Variants in VAV2 observed in about 807,000 individuals in gnomAD.
VAV2 encodes vav guanine nucleotide exchange factor 2.
A neutral mutation model predicts 132.5 loss-of-function variants in VAV2; 67 were observed. The observed-to-expected ratio is 0.51, with a 90% CI of 0.42 to 0.62. The LOEUF is 0.62. Ranked by LOEUF, VAV2 falls within the 20% of genes least tolerant of loss-of-function variation. VAV2 has a pLI of 0.00. For missense variants in VAV2, 938 were observed against 1,153.6 expected (o/e 0.81, Z 2.71); for synonymous variants, 492 against 443.5 (o/e 1.11, Z -1.37).
intron 1 of VAV2, among the ~76,000 whole-genome samples, chr9:133,942,165 G>A (rs1277960466): frequency 1.3e-5 from 2 of 152,216 alleles, no homozygotes; most frequent in Non-Finnish European, 2.9e-5. Context: ...ACAATACAAA[G>A]ATTAATTAGA....
rs144016503 is a variant in VAV2, at chr9:133,850,136, A to T, written c.380+11238T>A. ...ACCACCAGCTCTGCCCATCAGGCCC[A>T]CATGGGCCTCCATTTGTAGATGAGG... On this transcript the variant is annotated intron_variant, in intron 3 of 29. Transcript: ENST00000371850. Among the ~76,000 whole-genome samples, 1,260 of 152,322 alleles carry T rather than the reference A, an allele frequency of 8.3e-3. 34 individuals are homozygous for T. The highest frequency in any genetic ancestry group is 0.052 in the Admixed American group (799 of 15,300).
At chr9:133,910,020 AGG>A (rs1839821837) in intron 2 of VAV2, among the ~76,000 whole-genome samples, 1 of 152,110 alleles carries the variant, frequency 6.6e-6, no homozygotes, top group Non-Finnish European at 1.5e-5. Context: ...GAGCTATGCC[AGG>A]CCATGTGACT....
rs2131742089 is a variant in VAV2, at chr9:133,824,622, T to C, written c.449+9650A>G. Among the ~76,000 whole-genome samples the C allele has an allele frequency of 6.6e-6, 1 of 152,206 alleles. No homozygotes were observed. The highest frequency in any genetic ancestry group is 6.5e-5 in the Admixed American group (1 of 15,304). On this transcript the variant is annotated intron_variant, in intron 4 of 29. Coordinates refer to ENST00000371850, the MANE Select transcript of VAV2 (RefSeq NM_001134398.2). This position sits in a 1 kb window ranked among gnomAD's most constrained non-coding sequence, Gnocchi z 5.2. ...GGGTCTGCCCCCAGAGGCTGCTGCC[T>C]GGACAGCACATGTGGGAGGTAGAGG...
chr9:133,883,611 G>GAGACTCCCAAGTCATCCC lies in VAV2; in HGVS notation c.322-22180_322-22179insGGGATGACTTGGGAGTCT, dbSNP rs1838587361. Among the ~76,000 whole-genome samples the GAGACTCCCAAGTCATCCC allele has an allele frequency of 6.6e-6, 1 of 152,234 alleles. No individual in the cohort carries two copies. On this transcript the variant is annotated intron_variant, in intron 2 of 29. Transcript: ENST00000371850. This position sits in a 1 kb window ranked among gnomAD's most constrained non-coding sequence, Gnocchi z 4.2. ...GCCACGGCAGGCAGGCGGCCCAGCA[G>GAGACTCCCAAGTCATCCC]CAGGCAGGTTTCAGCTCGGCCGGAG...
intron 2 of VAV2, among the ~76,000 whole-genome samples, chr9:133,876,798 T>C (rs1404002774): frequency 6.6e-6 from 1 of 152,172 alleles, no homozygotes; most frequent in Non-Finnish European, 1.5e-5. Context: ...TTTAAAAGGC[T>C]GATCAAGGCT....
Position 133,876,734 on chromosome 9 carries a change from C to G in VAV2, c.322-15302G>C, listed in dbSNP as rs1838281966. ...GCCAGGTGCACGATGGCAGGAAGGC[C>G]TGGGCAGGAGGCCACAGGGATGGAC... is the stretch of plus-strand genomic sequence containing the variant. On this transcript the variant is annotated intron_variant, in intron 2 of 29. Transcript: ENST00000371850. 2.0e-5 allele frequency among the ~76,000 whole-genome samples: 3 copies of G among 152,202 alleles called. No homozygotes were observed. The South Asian group carries it at 6.2e-4, about 31-fold the overall frequency.
intron 2 of VAV2, among the ~76,000 whole-genome samples, chr9:133,936,525 G>A (rs1365103720): frequency 6.6e-6 from 1 of 152,164 alleles, no homozygotes. Flanking sequence ...TTACAGGCGT[G>A]AGCCACCATG....
chr9:133,863,688 G>A lies in VAV2; in HGVS notation c.322-2256C>T, dbSNP rs1416483017. 6.6e-6 allele frequency among the ~76,000 whole-genome samples: 1 copy of A among 152,194 alleles called. No individual in the cohort carries two copies. The highest frequency in any genetic ancestry group is 1.5e-5 in the Non-Finnish European group (1 of 68,022). On this transcript the variant is annotated intron_variant, in intron 2 of 29. Coordinates refer to ENST00000371850, the MANE Select transcript of VAV2 (RefSeq NM_001134398.2). The surrounding 1 kb of genome is among the most constrained non-coding windows in gnomAD (Gnocchi z 5.0). ...CCCTTCCATGGGTTCAGCATGGCCA[G>A]CTATGCTGGAGGAGCCCTGGCCCTC...
intron 2 of VAV2, among the ~76,000 whole-genome samples, chr9:133,886,414 A>T (rs1564435868): frequency 6.6e-6 from 1 of 152,196 alleles, no homozygotes; most frequent in Non-Finnish European, 1.5e-5. Flanking sequence ...AAGGTCACCC[A>T]GCTTGAAGGA....
intron 24 of VAV2, among the ~76,000 whole-genome samples, chr9:133,775,444 A>T (rs1344471671): frequency 2.0e-5 from 3 of 152,234 alleles, no homozygotes; most frequent in Admixed American, 6.5e-5. Flanking sequence ...AAAGCAGTAA[A>T]GGCATAACTG....
chr9:133,940,692 T>TGC (rs1564484098), intron 1 of VAV2, among the ~76,000 whole-genome samples: 10 of 149,420 alleles, frequency 6.7e-5, no homozygotes, highest in East Asian at 2.0e-4. Context: ...TGTGTGTGTG[T>TGC]GTGTGTGTGT....
At position 133,884,079 on chromosome 9, in the gene VAV2, G is replaced by A. The variant is rs1347750854; in HGVS notation, c.322-22647C>T. On this transcript the variant is annotated intron_variant, in intron 2 of 29. Transcript: ENST00000371850. The surrounding 1 kb of genome is among the most constrained non-coding windows in gnomAD (Gnocchi z 5.3). ...GAACCCGGGAGGCGGAGGTTGCAGC[G>A]AGGCGGAGGTTGCAGTGAGCTGAGA... Among the ~76,000 whole-genome samples, 3 of 149,680 alleles carry A rather than the reference G, an allele frequency of 2.0e-5. No homozygotes were observed. The highest frequency in any genetic ancestry group is 4.4e-5 in the Non-Finnish European group (3 of 68,014).
At chr9:133,940,286 T>C (rs1191254149) in intron 1 of VAV2, among the ~76,000 whole-genome samples, 2 of 152,070 alleles carry the variant, frequency 1.3e-5, no homozygotes, top group Non-Finnish European at 2.9e-5. Flanking sequence ...GGGGAGGGTG[T>C]GGCACACACA....
intron 2 of VAV2, among the ~76,000 whole-genome samples, chr9:133,914,762 G>GC (rs1307291113): frequency 7.0e-5 from 7 of 100,336 alleles, no homozygotes; most frequent in South Asian, 5.1e-4. Context: ...GAGAGGAGAG[G>GC]AGGGGAGGAG....
chr9:133,826,846 A>G lies in VAV2; in HGVS notation c.449+7426T>C, dbSNP rs976108036. 1.3e-5 allele frequency among the ~76,000 whole-genome samples: 2 copies of G among 152,042 alleles called. No individual in the cohort carries two copies. The highest frequency in any genetic ancestry group is 2.9e-5 in the Non-Finnish European group (2 of 68,002). ...GGCAGGCGGCCTGGCCCTGCTGGGG[A>G]CTGGGGTGTGCAGCCTACTTCACAG... On this transcript the variant is annotated intron_variant, in intron 4 of 29. Transcript: ENST00000371850. This position sits in a 1 kb window ranked among gnomAD's most constrained non-coding sequence, Gnocchi z 4.2.
At chr9:133,927,290 AC>A (rs1340232434) in intron 2 of VAV2, among the ~76,000 whole-genome samples, 3 of 152,018 alleles carry the variant, frequency 2.0e-5, no homozygotes, top group Non-Finnish European at 4.4e-5. Context: ...GAGCCTCGGG[AC>A]CCTTCTCAGC....
intron 2 of VAV2, among the ~76,000 whole-genome samples, chr9:133,890,293 C>T (rs1364568879): frequency 6.6e-6 from 1 of 152,240 alleles, no homozygotes; most frequent in Non-Finnish European, 1.5e-5. Context: ...CGGAGCCTTG[C>T]TGCCTGTCAC....
chr9:133,950,208 C>T (rs942972977), intron 1 of VAV2, among the ~76,000 whole-genome samples: 3 of 152,204 alleles, frequency 2.0e-5, no homozygotes, highest in Non-Finnish European at 2.9e-5. Flanking sequence ...TCCATCCTGA[C>T]GGTCAAGTCC....
At chr9:133,828,593 G>A (rs534279067) in intron 4 of VAV2, among the ~76,000 whole-genome samples, 28 of 152,380 alleles carry the variant, frequency 1.8e-4, no homozygotes, top group African/African-American at 6.5e-4. Flanking sequence ...CTTCTACCGT[G>A]CGGAGAAACA....
Sources: gnomAD v4.1 joint callset for allele counts (sites outside exome capture counted in the v4.1 genomes callset) on GRCh38, gnomAD v4.1.1 for gene constraint, Gnocchi (gnomAD v3.1) non-coding constraint, MANE v1.5 for transcripts, NCBI Gene and HGNC (gene_info 2026-07-23, HGNC 2026-07-21) for gene names.